Variants in RBFOX1 observed in about 807,000 individuals in gnomAD.
RBFOX1 encodes RNA binding protein fox-1 homolog 1.
RBFOX1 carries 8 observed loss-of-function variants against 57.7 expected under a neutral mutation model. The ratio of observed to expected loss-of-function variants is 0.14; its 90% CI spans 0.08 to 0.25. The LOEUF (loss-of-function observed/expected upper bound fraction) is 0.25. Ranked by LOEUF, RBFOX1 falls within the 10% of genes least tolerant of loss-of-function variation. The probability of loss-of-function intolerance (pLI) is 1.00; values close to 1 mark genes in which losing one functional copy is unlikely to be tolerated. For missense variants in RBFOX1, 611 were observed against 548.5 expected (o/e 1.11, Z -1.14); for synonymous variants, 326 against 222.4 (o/e 1.47, Z -4.15).
intron 4 of RBFOX1, among the ~76,000 whole-genome samples, chr16:7,088,755 C>G (rs1020465782): frequency 1.3e-5 from 2 of 152,254 alleles, no homozygotes; most frequent in East Asian, 3.9e-4. Context: ...ATGCCAGTAA[C>G]CAAAGTCCTT....
intron 4 of RBFOX1, among the ~76,000 whole-genome samples, chr16:7,387,273 A>C (rs993424983): frequency 1.5e-4 from 23 of 152,308 alleles, no homozygotes; most frequent in Admixed American, 5.2e-4. Flanking sequence ...GATTAGTAAT[A>C]AATTCTATGA....
intron 1 of RBFOX1, among the ~76,000 whole-genome samples, chr16:5,442,380 G>T (rs927751990): frequency 6.6e-6 from 1 of 152,228 alleles, no homozygotes; most frequent in African/African-American, 2.4e-5. Flanking sequence ...CTCTGGGAAA[G>T]TTGAAGGACT....
At chr16:7,443,877 C>T (rs1021954184) in intron 4 of RBFOX1, among the ~76,000 whole-genome samples, 3 of 152,298 alleles carry the variant, frequency 2.0e-5, no homozygotes, top group African/African-American at 4.8e-5. Context: ...AAATTTTGGG[C>T]GTCTGAACTT....
At chr16:6,399,980 C>A (rs770588525) in intron 2 of RBFOX1, among the ~76,000 whole-genome samples, 7 of 152,106 alleles carry the variant, frequency 4.6e-5, no homozygotes, top group Admixed American at 4.6e-4. Context: ...CCCCACAATT[C>A]AATGACCTCC....
intron 3 of RBFOX1, among the ~76,000 whole-genome samples, chr16:6,885,413 C>T (rs774500785): frequency 6.6e-6 from 1 of 152,230 alleles, no homozygotes; most frequent in African/African-American, 2.4e-5. Flanking sequence ...TTACAAAACC[C>T]ATTTTAATAA....
intron 4 of RBFOX1, among the ~76,000 whole-genome samples, chr16:7,288,443 A>G (rs1476017662): frequency 3.9e-5 from 6 of 152,220 alleles, no homozygotes; most frequent in African/African-American, 1.4e-4. Context: ...GGGAGGAGTC[A>G]CATCACCTTG....
intron 4 of RBFOX1, among the ~76,000 whole-genome samples, chr16:7,196,400 C>T (rs1038005483): frequency 2.6e-5 from 4 of 152,180 alleles, no homozygotes; most frequent in Admixed American, 2.0e-4. Flanking sequence ...CACTGACTTG[C>T]TTAGCAGCAC....
intron 3 of RBFOX1, among the ~76,000 whole-genome samples, chr16:6,912,827 C>A (rs993750504): frequency 1.3e-5 from 2 of 151,920 alleles, no homozygotes; most frequent in East Asian, 3.9e-4. Flanking sequence ...ACTGTGTTGC[C>A]CAGGCTAGAC....
intron 1 of RBFOX1, among the ~76,000 whole-genome samples, chr16:6,179,828 G>C (rs2097048361): frequency 6.6e-6 from 1 of 152,196 alleles, no homozygotes; most frequent in African/African-American, 2.4e-5. Context: ...GCGTAGTTGG[G>C]TTTCACCATT....
chr16:7,478,744 A>C (rs1599476305), intron 4 of RBFOX1, among the ~76,000 whole-genome samples: 1 of 152,348 alleles, frequency 6.6e-6, no homozygotes, highest in South Asian at 2.1e-4. Context: ...AAAGGAACCC[A>C]AAACTGACTC....
At chr16:6,370,479 G>C (rs954933063) in intron 2 of RBFOX1, among the ~76,000 whole-genome samples, 1 of 151,110 alleles carries the variant, frequency 6.6e-6, no homozygotes, top group African/African-American at 2.4e-5. Context: ...AGTTGTTTCA[G>C]CTGCTACAAA....
intron 3 of RBFOX1, among the ~76,000 whole-genome samples, chr16:6,753,222 A>G (rs1264495534): frequency 6.6e-6 from 1 of 152,222 alleles, no homozygotes; most frequent in African/African-American, 2.4e-5. Context: ...ACAGATGGAA[A>G]TAGCTGGGAT....
intron 3 of RBFOX1, among the ~76,000 whole-genome samples, chr16:6,912,994 G>A (rs2072101164): frequency 6.6e-6 from 1 of 151,906 alleles, no homozygotes; most frequent in Admixed American, 6.6e-5. Context: ...CCAACACTGT[G>A]CTTTATATTC....
intron 4 of RBFOX1, among the ~76,000 whole-genome samples, chr16:7,499,599 C>A (rs1249489334): frequency 6.6e-5 from 10 of 152,154 alleles, no homozygotes. Flanking sequence ...ATCTTCCATT[C>A]TGTCTAAAGA....
At chr16:7,017,716 C>G (rs532525783) in intron 3 of RBFOX1, among the ~76,000 whole-genome samples, 1 of 152,280 alleles carries the variant, frequency 6.6e-6, no homozygotes, top group East Asian at 1.9e-4. Context: ...TAGCTTTTCT[C>G]TTCACGTTTT....
chr16:7,156,262 GTGTACA>G (rs61624955), intron 4 of RBFOX1, among the ~76,000 whole-genome samples: 34,281 of 151,416 alleles, frequency 0.23, 4,322 homozygotes, highest in African/African-American at 0.34. Context: ...ACATATGTAT[GTGTACA>G]TGTACATGTA....
intron 4 of RBFOX1, among the ~76,000 whole-genome samples, chr16:7,440,045 G>A (rs1005633186): frequency 3.3e-5 from 5 of 149,670 alleles, no homozygotes; most frequent in Non-Finnish European, 7.4e-5. Context: ...TCCATCTCCC[G>A]GGTTCAGGTG....
At chr16:5,502,118 A>G (rs572009428) in intron 2 of RBFOX1, among the ~76,000 whole-genome samples, 1 of 152,230 alleles carries the variant, frequency 6.6e-6, no homozygotes, top group South Asian at 2.1e-4. Context: ...GGCCGGCAGA[A>G]GGTGGTTGTA....
At chr16:6,618,548 C>G (rs1279862005) in intron 2 of RBFOX1, among the ~76,000 whole-genome samples, 1 of 152,146 alleles carries the variant, frequency 6.6e-6, no homozygotes, top group Non-Finnish European at 1.5e-5. Context: ...TCATAAAAGT[C>G]TCTGGAACAA....
Sources: gnomAD v4.1 joint callset for allele counts (sites outside exome capture counted in the v4.1 genomes callset) on GRCh38, gnomAD v4.1.1 for gene constraint, MANE v1.5 for transcripts, NCBI Gene and HGNC (gene_info 2026-07-23, HGNC 2026-07-21) for gene names.